ST6GALNAC3: variants seen among roughly 807,000 people sequenced by gnomAD.
ST6GALNAC3 encodes ST6 N-acetylgalactosaminide alpha-2,6-sialyltransferase 3, also known as alpha-N-acetylgalactosaminide alpha-2,6-sialyltransferase 3.
A neutral mutation model predicts 32.7 loss-of-function variants in ST6GALNAC3; 25 were observed. That is an observed-to-expected ratio of 0.76 (90% confidence interval 0.56 to 1.07). The LOEUF (loss-of-function observed/expected upper bound fraction) is 1.07, where lower values mean the gene tolerates loss of function less well. ST6GALNAC3 is among the 50% of genes least tolerant of loss of function. The pLI, the probability that ST6GALNAC3 is intolerant of heterozygous loss-of-function variation, is 0.00. For synonymous variants in ST6GALNAC3, 129 were observed against 133.1 expected (o/e 0.97, Z 0.21); for missense variants, 355 against 382.4 (o/e 0.93, Z 0.60).
chr1:76,125,937 A>G (rs370441475), intron 1 of ST6GALNAC3, among the ~76,000 whole-genome samples: 3 of 152,200 alleles, frequency 2.0e-5, no homozygotes, highest in African/African-American at 7.2e-5. Context: ...AGATGGAGCC[A>G]ATTGAGCGGG....
intron 3 of ST6GALNAC3, among the ~76,000 whole-genome samples, chr1:76,499,525 T>C (rs562614321): frequency 1.3e-4 from 20 of 152,264 alleles, no homozygotes; most frequent in African/African-American, 4.8e-4. Context: ...GCTTCCACGT[T>C]CTCGGTTCTA....
intron 1 of ST6GALNAC3, among the ~76,000 whole-genome samples, chr1:76,299,288 C>T (rs1201789890): frequency 6.6e-6 from 1 of 151,996 alleles, no homozygotes; most frequent in Non-Finnish European, 1.5e-5. Flanking sequence ...AACTGGGAAG[C>T]TCTTGATCAG....
At chr1:76,459,213 C>T (rs1433020054) in intron 3 of ST6GALNAC3, among the ~76,000 whole-genome samples, 2 of 152,118 alleles carry the variant, frequency 1.3e-5, no homozygotes, top group African/African-American at 2.4e-5. Flanking sequence ...GATGATCTGA[C>T]AAATTAAATA....
intron 3 of ST6GALNAC3, among the ~76,000 whole-genome samples, chr1:76,462,740 G>C (rs1475268590): frequency 6.6e-6 from 1 of 152,134 alleles, no homozygotes; most frequent in African/African-American, 2.4e-5. Flanking sequence ...AAGATGGATA[G>C]ATAGAGAACA....
At chr1:76,596,842 C>A (rs982233658) in intron 3 of ST6GALNAC3, among the ~76,000 whole-genome samples, 4 of 152,148 alleles carry the variant, frequency 2.6e-5, no homozygotes, top group Admixed American at 1.3e-4. Context: ...GGATGGGATG[C>A]TATTAGTTAG....
chr1:76,213,830 A>T (rs1489771713), intron 1 of ST6GALNAC3, among the ~76,000 whole-genome samples: 1 of 152,196 alleles, frequency 6.6e-6, no homozygotes, highest in African/African-American at 2.4e-5. Flanking sequence ...GGGAATTCAG[A>T]CTACATGCTT....
At chr1:76,228,106 G>T (rs1026574858) in intron 1 of ST6GALNAC3, among the ~76,000 whole-genome samples, 6 of 152,318 alleles carry the variant, frequency 3.9e-5, no homozygotes, top group African/African-American at 1.4e-4. Flanking sequence ...GATGGCTATT[G>T]CAGGAAAATA....
At chr1:76,129,027 T>C (rs1570100471) in intron 1 of ST6GALNAC3, among the ~76,000 whole-genome samples, 1 of 152,332 alleles carries the variant, frequency 6.6e-6, no homozygotes, top group African/African-American at 2.4e-5. Context: ...CACATTGCTC[T>C]TGCTGTTTCC....
chr1:76,581,512 C>T (rs1390471419), intron 3 of ST6GALNAC3, among the ~76,000 whole-genome samples: 1 of 152,130 alleles, frequency 6.6e-6, no homozygotes, highest in African/African-American at 2.4e-5. Context: ...GTTTCCTAAA[C>T]ACTCACTAAA....
intron 1 of ST6GALNAC3, among the ~76,000 whole-genome samples, chr1:76,108,015 T>G (rs1277303668): frequency 2.0e-5 from 3 of 152,212 alleles, no homozygotes; most frequent in Non-Finnish European, 4.4e-5. Context: ...ATATTTGGGC[T>G]GTTTGAGTTG....
intron 2 of ST6GALNAC3, among the ~76,000 whole-genome samples, chr1:76,344,172 T>C (rs978873759): frequency 6.6e-6 from 1 of 152,214 alleles, no homozygotes; most frequent in Non-Finnish European, 1.5e-5. Flanking sequence ...TACCCAGGAA[T>C]GGCCTTGCTG....
At chr1:76,250,900 T>C (rs1034671102) in intron 1 of ST6GALNAC3, among the ~76,000 whole-genome samples, 1 of 152,180 alleles carries the variant, frequency 6.6e-6, no homozygotes, top group Admixed American at 6.6e-5. Flanking sequence ...TCTACTTAAA[T>C]TGTTCTCTTA....
chr1:76,177,763 G>A (rs1425772547), intron 1 of ST6GALNAC3, among the ~76,000 whole-genome samples: 1 of 152,186 alleles, frequency 6.6e-6, no homozygotes, highest in Non-Finnish European at 1.5e-5. Context: ...TCAGATCGCT[G>A]TGTACAGAGG....
At chr1:76,345,476 G>A (rs1473854279) in intron 2 of ST6GALNAC3, among the ~76,000 whole-genome samples, 1 of 151,972 alleles carries the variant, frequency 6.6e-6, no homozygotes, top group African/African-American at 2.4e-5. Flanking sequence ...GTTAGATGGT[G>A]GCATAGCTTT....
intron 3 of ST6GALNAC3, among the ~76,000 whole-genome samples, chr1:76,427,563 A>G (rs969353368): frequency 4.6e-5 from 7 of 152,104 alleles, no homozygotes; most frequent in African/African-American, 1.7e-4. Context: ...GTACATATCT[A>G]TCGAGAACCT....
intron 1 of ST6GALNAC3, among the ~76,000 whole-genome samples, chr1:76,086,789 G>A (rs564973640): frequency 2.2e-4 from 34 of 152,202 alleles, no homozygotes; most frequent in Admixed American, 5.2e-4. Context: ...TAAAATCACT[G>A]ACATGGTGTT....
intron 3 of ST6GALNAC3, among the ~76,000 whole-genome samples, chr1:76,603,550 C>A: frequency 6.6e-6 from 1 of 152,168 alleles, no homozygotes; most frequent in East Asian, 1.9e-4. Context: ...CACGTACATG[C>A]ACAGTAAAAT....
chr1:76,584,099 G>A (rs771649822), intron 3 of ST6GALNAC3, among the ~76,000 whole-genome samples: 1 of 152,184 alleles, frequency 6.6e-6, no homozygotes, highest in African/African-American at 2.4e-5. Context: ...ACAAACCTAT[G>A]AGGTAGTTGC....
intron 1 of ST6GALNAC3, among the ~76,000 whole-genome samples, chr1:76,256,643 T>G: frequency 6.6e-6 from 1 of 151,400 alleles, no homozygotes; most frequent in Non-Finnish European, 1.5e-5. Flanking sequence ...GGGGGTGGGG[T>G]GGGGTATGTA....
Sources: allele counts gnomAD v4.1 joint callset (sites outside exome capture counted in the v4.1 genomes callset), GRCh38; gene constraint gnomAD v4.1.1; transcripts MANE v1.5; gene names NCBI Gene and HGNC (gene_info 2026-07-23, HGNC 2026-07-21).